Variants in HMG20A observed in about 807,000 individuals in gnomAD.
HMG20A encodes the protein high mobility group protein 20A.
In HMG20A, 17 loss-of-function variants were observed where a neutral mutation model predicts 43.9. That is an observed-to-expected ratio of 0.39 (90% CI 0.27 to 0.58). HMG20A has a LOEUF of 0.58. Among genes scored for constraint, HMG20A ranks in the 20% least tolerant of loss-of-function variants. The pLI, the probability that HMG20A is intolerant of heterozygous loss-of-function variation, is 0.59. For missense variants in HMG20A, 341 were observed against 438.2 expected (o/e 0.78, Z 1.98); for synonymous variants, 132 against 147.5 (o/e 0.89, Z 0.76).
At chr15:77,448,002 G>A (rs973896463) in intron 1 of HMG20A, among the ~76,000 whole-genome samples, 5 of 152,120 alleles carry the variant, frequency 3.3e-5, no homozygotes, top group South Asian at 4.2e-4. Flanking sequence ...GTATATGCAG[G>A]CCACAGTTTA....
chr15:77,440,351 A>C (rs759333490), intron 1 of HMG20A, among the ~76,000 whole-genome samples: 2 of 152,244 alleles, frequency 1.3e-5, no homozygotes, highest in Non-Finnish European at 2.9e-5. Context: ...CACAAAAAGA[A>C]GTAAATGGAT....
chr15:77,507,122 G>A, the HMG20A span, among the ~76,000 whole-genome samples: 71 of 152,338 alleles, frequency 4.7e-4, no homozygotes, highest in African/African-American at 1.3e-3. Context: ...TTCAAGCTGG[G>A]ATGTCAATCT....
intron 4 of HMG20A, among the ~76,000 whole-genome samples, chr15:77,470,448 A>G (rs1274044693): frequency 1.3e-5 from 2 of 152,208 alleles, no homozygotes; most frequent in Non-Finnish European, 2.9e-5. Context: ...TAAAGGGCCA[A>G]TTGATGTATG....
chr15:77,439,008 T>A (rs1026667956), intron 1 of HMG20A, among the ~76,000 whole-genome samples: 1 of 151,870 alleles, frequency 6.6e-6, no homozygotes, highest in African/African-American at 2.4e-5. Context: ...TTAGCCAGGA[T>A]AGTCTCGATC....
chr15:77,514,852 C>T, the HMG20A span, among the ~76,000 whole-genome samples: 3 of 152,128 alleles, frequency 2.0e-5, no homozygotes, highest in Non-Finnish European at 4.4e-5. Flanking sequence ...GGTCCCAGCT[C>T]GGGGTGGCGG....
intron 1 of HMG20A, among the ~76,000 whole-genome samples, chr15:77,449,479 G>T (rs1349290073): frequency 6.6e-6 from 1 of 152,076 alleles, no homozygotes; most frequent in African/African-American, 2.4e-5. Context: ...GTTCACAGCT[G>T]GTAGACTACT....
At chr15:77,429,118 G>A (rs2073457599) in intron 1 of HMG20A, among the ~76,000 whole-genome samples, 1 of 152,134 alleles carries the variant, frequency 6.6e-6, no homozygotes, top group African/African-American at 2.4e-5. Context: ...TGAGACAGGA[G>A]GATTGCTTGA....
chr15:77,437,720 C>T (rs562177667), intron 1 of HMG20A, among the ~76,000 whole-genome samples: 2 of 151,846 alleles, frequency 1.3e-5, no homozygotes, highest in African/African-American at 4.8e-5. Flanking sequence ...TACAGGCATG[C>T]GCCACCACAC....
At chr15:77,462,000 A>T (rs2072709319) in intron 2 of HMG20A, among the ~76,000 whole-genome samples, 2 of 152,192 alleles carry the variant, frequency 1.3e-5, no homozygotes, top group Non-Finnish European at 2.9e-5. Flanking sequence ...AAAGGACCTC[A>T]AAAATGTAGG....
chr15:77,437,121 A>G (rs890386621), intron 1 of HMG20A, among the ~76,000 whole-genome samples: 2 of 152,190 alleles, frequency 1.3e-5, no homozygotes, highest in Admixed American at 6.5e-5. Context: ...TTCTTCAAAG[A>G]GGTCCCCTGT....
chr15:77,430,825 A>C (rs755314936), intron 1 of HMG20A, among the ~76,000 whole-genome samples: 10 of 152,240 alleles, frequency 6.6e-5, no homozygotes, highest in Non-Finnish European at 1.0e-4. Flanking sequence ...TTGTGACAGC[A>C]ACAATATGAA....
the HMG20A span, among the ~76,000 whole-genome samples, chr15:77,497,735 T>G: frequency 6.7e-6 from 1 of 149,682 alleles, no homozygotes; most frequent in South Asian, 2.1e-4. Context: ...GTGGAGATAT[T>G]AGGGGGATGC....
In HMG20A at chr15:77,477,700, A is replaced by G. The variant is rs555779742; in HGVS notation, c.691+70A>G. The G allele has an allele frequency of 8.6e-6, 9 of 1,045,184 alleles. No individual in the cohort carries two copies. The South Asian group carries it at 1.1e-4, about 12-fold the overall frequency. The allele number at this position is 1,045,184 out of a possible 1,614,324, so 64.7% of individuals were successfully genotyped here. A position where few individuals can be genotyped will look rare whatever the true frequency, so the allele number is the denominator to read the frequency against. The stretch of plus-strand genomic sequence containing the variant: ...GGGACTTAGTTCTCAGAAGAAATTC[A>G]TTGCTCAAAAGCAATGGTAGTGTTA... On this transcript the variant is annotated intron_variant, in intron 7 of 9. Coordinates refer to ENST00000336216, the MANE Select transcript of HMG20A (RefSeq NM_001304504.2).
chr15:77,478,256 T>C (rs1409079880), intron 7 of HMG20A, 39 bp from the exon 8 acceptor site: 1 of 1,603,334 alleles, frequency 6.2e-7, no homozygotes. Context: ...AGAGACTCCT[T>C]CTAGTGCTGC....
At chr15:77,459,341 T>G (rs1398650121) in intron 2 of HMG20A, among the ~76,000 whole-genome samples, 1 of 152,222 alleles carries the variant, frequency 6.6e-6, no homozygotes, top group Non-Finnish European at 1.5e-5. Context: ...TATGTGTCAT[T>G]GTTCCAGGCA....
intron 3 of HMG20A, among the ~76,000 whole-genome samples, chr15:77,466,391 AT>A (rs1411071173): frequency 1.3e-5 from 2 of 152,172 alleles, no homozygotes; most frequent in Non-Finnish European, 2.9e-5. Context: ...CAAAAAAAAA[AT>A]TAAAATAAAA....
intron 2 of HMG20A, among the ~76,000 whole-genome samples, chr15:77,463,052 G>A (rs1219985343): frequency 1.3e-5 from 2 of 152,080 alleles, no homozygotes; most frequent in African/African-American, 4.8e-5. Context: ...GATTACAGGC[G>A]TGAGGCACCA....
At chr15:77,501,141 T>C in the HMG20A span, among the ~76,000 whole-genome samples, 32 of 152,228 alleles carry the variant, frequency 2.1e-4, no homozygotes, top group Non-Finnish European at 5.9e-5. Context: ...CCTGGCACTG[T>C]GCCTGGGACA....
chr15:77,476,086 C>G (rs374742915), intron 6 of HMG20A, among the ~76,000 whole-genome samples: 31 of 152,192 alleles, frequency 2.0e-4, no homozygotes, highest in Non-Finnish European at 3.7e-4. Context: ...AGGCGGCCAC[C>G]GTTATGAATA....
Sources: gnomAD v4.1 joint callset for allele counts (sites outside exome capture counted in the v4.1 genomes callset) on GRCh38, gnomAD v4.1.1 for gene constraint, MANE v1.5 for transcripts, NCBI Gene and HGNC (gene_info 2026-07-23, HGNC 2026-07-21) for gene names.